The following SFT2D1 variants were observed in gnomAD, a reference collection of about 807,000 sequenced individuals.
The protein encoded by SFT2D1 is vesicle transport protein SFT2A.
A neutral mutation model predicts 28.1 loss-of-function variants in SFT2D1; 24 were observed. The ratio of observed to expected loss-of-function variants is 0.85; its 90% CI spans 0.62 to 1.20. The LOEUF is 1.20. Among genes scored for constraint, SFT2D1 ranks in the 50% most tolerant of loss-of-function variants. The pLI is 0.00. For synonymous variants in SFT2D1, 82 were observed against 73.7 expected, an observed-to-expected ratio of 1.11 and a Z score of -0.58; for missense variants, 181 against 190.9, an observed-to-expected ratio of 0.95 and a Z score of 0.31.
chr6:166,323,368 T>G (rs1485894628), intron 6 of SFT2D1: 1 of 152,510 alleles, frequency 6.6e-6, no homozygotes, highest in African/African-American at 2.4e-5. Context: ...AGAATTACAT[T>G]TAACATTCAC....
intron 1 of SFT2D1, among the ~76,000 whole-genome samples, chr6:166,330,788 G>A (rs972071590): frequency 6.6e-6 from 1 of 152,184 alleles, no homozygotes; most frequent in South Asian, 2.1e-4. Context: ...ACCTCCCTTC[G>A]GCCGGTCATT....
chr6:166,328,374 A>C lies in SFT2D1; in HGVS notation c.234-17T>G, dbSNP rs1344678310. 2 of 1,471,968 alleles carry C rather than the reference A, an allele frequency of 1.4e-6. No individual in the cohort carries two copies. Among genetic ancestry groups the C allele is most frequent in the Non-Finnish European group, 1.8e-6 (2 of 1,082,958 alleles). The allele number at this position is 1,471,968 out of a possible 1,614,324, so 91.2% of individuals were successfully genotyped here. The stretch of plus-strand genomic sequence containing the variant: ...AAGCATGTACTATTTGAAACAAATA[A>C]AGTGACTGAGGTACAGGTCTACTAA... On this transcript the variant is annotated splice_polypyrimidine_tract_variant and intron_variant, in intron 3 of 7. Coordinates refer to ENST00000361731, the MANE Select transcript of SFT2D1 (RefSeq NM_145169.3).
intron 1 of SFT2D1, chr6:166,335,420 T>G: frequency 3.5e-6 from 2 of 566,552 alleles, no homozygotes; most frequent in Non-Finnish European, 6.8e-6. Flanking sequence ...GGGAGGAAAC[T>G]TTGGAGGCAG....
At chr6:166,334,267 C>A (rs148560962) in intron 1 of SFT2D1, among the ~76,000 whole-genome samples, 1 of 152,156 alleles carries the variant, frequency 6.6e-6, no homozygotes, top group African/African-American at 2.4e-5. Flanking sequence ...GGATCCAGCT[C>A]CTGGTTAAAA....
Position 166,330,293 on chromosome 6 carries a change from C to G in SFT2D1, c.64-46G>C, listed in dbSNP as rs764327004. 10 of 1,262,856 alleles carry G rather than the reference C, an allele frequency of 7.9e-6. No homozygotes were observed. The African/African-American group carries it at 1.2e-4, about 15-fold the overall frequency. The allele number at this position is 1,262,856 out of a possible 1,614,324, so 78.2% of individuals were successfully genotyped here. On this transcript the variant is annotated intron_variant, in intron 1 of 7. Transcript: ENST00000361731. Reference sequence around the variant, plus strand: ...TTTAGAATATAGTCTTAATTCACTACCAATCTGATTCTTTATACTAAATTA... The same window carrying G: ...TTTAGAATATAGTCTTAATTCACTAGCAATCTGATTCTTTATACTAAATTA...
chr6:166,325,948 C>A (rs973920210), intron 5 of SFT2D1, 184 bp downstream of exon 5: 78 of 643,872 alleles, frequency 1.2e-4, no homozygotes, highest in Admixed American at 5.7e-5. Context: ...ATGCTGTAGA[C>A]AGTAGAATCT....
At chr6:166,331,988 G>A (rs559186971) in intron 1 of SFT2D1, among the ~76,000 whole-genome samples, 5 of 152,120 alleles carry the variant, frequency 3.3e-5, no homozygotes, top group East Asian at 1.9e-4. Flanking sequence ...GAAACAGCAC[G>A]GCTATTTGTA....
chr6:166,340,190 T>C (rs188951066), intron 1 of SFT2D1, among the ~76,000 whole-genome samples: 55 of 152,340 alleles, frequency 3.6e-4, no homozygotes, highest in Admixed American at 7.2e-4. Context: ...TTTAAACCAC[T>C]TCTATCACTG....
At chr6:166,325,890 G>A in intron 5 of SFT2D1, 2 of 565,986 alleles carry the variant, frequency 3.5e-6, no homozygotes, top group Non-Finnish European at 6.4e-6. Context: ...TTAGCCACCA[G>A]CTGGGTGGGT....
intron 1 of SFT2D1, 109 bp downstream of exon 1, chr6:166,342,310 G>A (rs1778799198): frequency 9.7e-6 from 9 of 928,674 alleles, no homozygotes; most frequent in East Asian, 8.9e-5. Context: ...GCCGGGCAGA[G>A]GAGTCCCAGA....
chr6:166,322,106 C>T (rs925488688), intron 7 of SFT2D1, among the ~76,000 whole-genome samples: 1 of 152,196 alleles, frequency 6.6e-6, no homozygotes. Context: ...TGGTCTTGAA[C>T]TCCTGACCTC....
chr6:166,326,265 A>G, intron 4 of SFT2D1, 98 bp from the exon 5 acceptor site: 1 of 959,780 alleles, frequency 1.0e-6, no homozygotes, highest in Non-Finnish European at 1.6e-6. Flanking sequence ...TAGGGAATAT[A>G]CTATAGAACA....
chr6:166,329,444 G>A, intron 3 of SFT2D1, 63 bp downstream of exon 3: 2 of 1,392,276 alleles, frequency 1.4e-6, no homozygotes, highest in Admixed American at 1.8e-5. Flanking sequence ...CTGGGAAAGT[G>A]CTTATTAGAA....
chr6:166,330,298 C>T (rs371122813), intron 1 of SFT2D1, 51 bp from the exon 2 acceptor site: 7 of 1,237,284 alleles, frequency 5.7e-6, no homozygotes, highest in Non-Finnish European at 8.0e-6. Flanking sequence ...CACTACCAAT[C>T]TGATTCTTTA....
intron 1 of SFT2D1, among the ~76,000 whole-genome samples, chr6:166,336,145 A>G (rs1778646001): frequency 6.6e-6 from 1 of 151,970 alleles, no homozygotes; most frequent in South Asian, 2.1e-4. Context: ...ATCTTGGTAA[A>G]CTCCCCCAAG....
At chr6:166,326,216 C>T (rs1311107493) in intron 4 of SFT2D1, 49 bp from the exon 5 acceptor site, 4 of 1,540,298 alleles carry the variant, frequency 2.6e-6, no homozygotes, top group Non-Finnish European at 3.6e-6. Context: ...CTTTCAAAAG[C>T]CTAATAAAAA....
At chr6:166,324,071 T>C (rs1238722387) in intron 6 of SFT2D1, 1 of 152,546 alleles carries the variant, frequency 6.6e-6, no homozygotes, top group Non-Finnish European at 1.5e-5. Context: ...ACCAGTAACT[T>C]AAGAAGTATT....
intron 1 of SFT2D1, among the ~76,000 whole-genome samples, chr6:166,333,990 C>T (rs1401276403): frequency 1.3e-5 from 2 of 152,218 alleles, no homozygotes; most frequent in African/African-American, 4.8e-5. Context: ...TCCACCTGTC[C>T]ACCCTGCTTT....
At chr6:166,341,272 C>T (rs960629959) in intron 1 of SFT2D1, among the ~76,000 whole-genome samples, 2 of 151,808 alleles carry the variant, frequency 1.3e-5, no homozygotes, top group Non-Finnish European at 2.9e-5. Context: ...ATGGTGAAAC[C>T]CCCATCTCTA....
Sources: allele counts gnomAD v4.1 joint callset (sites outside exome capture counted in the v4.1 genomes callset), GRCh38; gene constraint gnomAD v4.1.1; transcripts MANE v1.5; gene names NCBI Gene and HGNC (gene_info 2026-07-23, HGNC 2026-07-21).